Variants in THSD7B observed in about 807,000 individuals in gnomAD.
THSD7B encodes the protein thrombospondin type 1 domain containing 7B.
THSD7B carries 138 observed loss-of-function variants against 213.6 expected under a neutral mutation model. That is an observed-to-expected ratio of 0.65 (90% CI 0.56 to 0.74). THSD7B has a LOEUF of 0.74. Ranked by LOEUF, THSD7B falls within the 30% of genes least tolerant of loss-of-function variation. THSD7B has a pLI of 0.00. For synonymous variants in THSD7B, 742 were observed against 687.0 expected, an observed-to-expected ratio of 1.08 and a Z score of -1.25; for missense variants, 1,931 against 1,991.5, an observed-to-expected ratio of 0.97 and a Z score of 0.58.
At chr2:137,598,829 T>C (rs1682016380) in intron 17 of THSD7B, among the ~76,000 whole-genome samples, 1 of 152,030 alleles carries the variant, frequency 6.6e-6, no homozygotes, top group Non-Finnish European at 1.5e-5. Flanking sequence ...ATTTTTCTCT[T>C]GTTTTCTTTC....
chr2:136,832,807 A>G (rs1330441019), intron 1 of THSD7B, among the ~76,000 whole-genome samples: 3 of 152,222 alleles, frequency 2.0e-5, no homozygotes, highest in African/African-American at 4.8e-5. Flanking sequence ...ATCTCAAAGT[A>G]ACTTGCCTGA....
At chr2:137,575,742 A>ATATATATT (rs1235744133) in intron 17 of THSD7B, among the ~76,000 whole-genome samples, 4 of 147,416 alleles carry the variant, frequency 2.7e-5, no homozygotes, top group East Asian at 2.0e-4. Flanking sequence ...ATATATATAT[A>ATATATATT]TTTTTACTTT....
At chr2:137,092,247 T>A (rs1687961933) in intron 3 of THSD7B, among the ~76,000 whole-genome samples, 1 of 152,032 alleles carries the variant, frequency 6.6e-6, no homozygotes. Flanking sequence ...ACCCTGTCTC[T>A]ACAAAATATA....
intron 12 of THSD7B, among the ~76,000 whole-genome samples, chr2:137,301,034 TA>T (rs1438912998): frequency 6.6e-6 from 1 of 152,148 alleles, no homozygotes; most frequent in Non-Finnish European, 1.5e-5. Flanking sequence ...CAAAAGGAAT[TA>T]AAATCCTTTT....
chr2:137,251,190 T>C (rs930457195), intron 10 of THSD7B, among the ~76,000 whole-genome samples: 9 of 152,326 alleles, frequency 5.9e-5, no homozygotes, highest in African/African-American at 2.2e-4. Context: ...TTAGTCTTCC[T>C]TCACAGCTCA....
chr2:136,821,304 G>A (rs1682560287), intron 1 of THSD7B, among the ~76,000 whole-genome samples: 1 of 152,138 alleles, frequency 6.6e-6, no homozygotes, highest in Non-Finnish European at 1.5e-5. Flanking sequence ...TTGCCAATTA[G>A]TGGCTTCTCA....
chr2:137,252,596 C>T (rs1682211026), intron 10 of THSD7B, among the ~76,000 whole-genome samples: 1 of 152,138 alleles, frequency 6.6e-6, no homozygotes, highest in East Asian at 1.9e-4. Context: ...TGTGCCTGGC[C>T]CTGGTTTGTA....
rs142137928 is a variant in THSD7B, at chr2:137,146,026, T to G, written c.1370-14187T>G. On this transcript the variant is annotated intron_variant, in intron 5 of 27. Coordinates refer to ENST00000409968, the MANE Select transcript of THSD7B (RefSeq NM_001316349.2). ...ATAACCCATTTTCTCTGATGATATA[T>G]GTATATGTGAAAAATTTAGGCATAT... Among the ~76,000 whole-genome samples the G allele has an allele frequency of 1.3e-3, 205 of 152,250 alleles. 2 individuals are homozygous for G. Among genetic ancestry groups the G allele is most frequent in the African/African-American group, 4.5e-3 (189 of 41,562 alleles).
At chr2:137,302,455 T>C (rs1466409349) in intron 12 of THSD7B, among the ~76,000 whole-genome samples, 1 of 152,094 alleles carries the variant, frequency 6.6e-6, no homozygotes, top group Non-Finnish European at 1.5e-5. Flanking sequence ...GTCCATAAGA[T>C]GTAACAATGT....
At chr2:137,665,997 G>A (rs1027492250) in intron 26 of THSD7B, among the ~76,000 whole-genome samples, 2 of 152,134 alleles carry the variant, frequency 1.3e-5, no homozygotes, top group African/African-American at 4.8e-5. Flanking sequence ...AAAGATTCAC[G>A]AGGAAACTGG....
rs1468072549 is a variant in THSD7B at position 137,655,666 on chromosome 2, C to A, written c.4105+6C>A. The A allele has an allele frequency of 2.5e-6, 4 of 1,611,112 alleles. No individual in the cohort carries two copies. Among genetic ancestry groups the A allele is most frequent in the Non-Finnish European group, 3.4e-6 (4 of 1,178,464 alleles). ...GTGTTCTGTGCCTTGCCCAGGTATG[C>A]AATGCTAGTGATTGGGAGCGCCTCC... On this transcript the variant is annotated splice_donor_region_variant and intron_variant, in intron 22 of 27. Coordinates refer to ENST00000409968, the MANE Select transcript of THSD7B (RefSeq NM_001316349.2).
In THSD7B at chr2:137,115,065, T is replaced by G. The variant is rs1688420266; in HGVS notation, c.1200-59T>G. 49 of 1,599,738 alleles carry G rather than the reference T, an allele frequency of 3.1e-5. 2 individuals carry two copies. The South Asian group carries it at 5.5e-4, about 18-fold the overall frequency. On this transcript the variant is annotated intron_variant, in intron 4 of 27. Coordinates refer to ENST00000409968, the MANE Select transcript of THSD7B (RefSeq NM_001316349.2). ...CTTGATGTCATGACTTAAGTTTTCC[T>G]CAGAGTTGTATATTTTTCTTACTTC...
At position 137,405,803 on chromosome 2, in the gene THSD7B, C is replaced by T. The variant is rs748375953; in HGVS notation, c.2691C>T (p.Leu897=). 12 of 1,609,902 alleles carry T rather than the reference C, an allele frequency of 7.5e-6. No homozygotes were observed. Among genetic ancestry groups the T allele is most frequent in the South Asian group, 1.1e-5 (1 of 90,392 alleles). ...CCACAAAAAGTAGGCGGCGACAGCT[C>T]ACAGGTATAGTGTGCATTTTACTCT... ...CEATKSRRRQ[L]TGKSRKKEKC... The change falls in exon 13 of 28, where the codon CTC becomes CTT. Residue 897 remains leucine, a synonymous_variant. Coordinates refer to ENST00000409968, the MANE Select transcript of THSD7B (RefSeq NM_001316349.2).
chr2:137,002,692 A>G (rs561799736), intron 2 of THSD7B, among the ~76,000 whole-genome samples: 7 of 152,168 alleles, frequency 4.6e-5, no homozygotes, highest in African/African-American at 1.7e-4. Context: ...GTATCACTCT[A>G]GCATTTGAAT....
At chr2:137,194,292 A>G (rs4538259) in intron 7 of THSD7B, among the ~76,000 whole-genome samples, 145,352 of 152,280 alleles carry the variant, frequency 0.95, 69,448 homozygotes, top group East Asian at 1. Context: ...AAAGGGCAGG[A>G]GAACTTAGCA....
chr2:137,110,578 G>T (rs926890920), intron 4 of THSD7B, among the ~76,000 whole-genome samples: 1 of 152,150 alleles, frequency 6.6e-6, no homozygotes, highest in Non-Finnish European at 1.5e-5. Flanking sequence ...TGGAGGGCAG[G>T]TTTCTCTAAC....
intron 20 of THSD7B, among the ~76,000 whole-genome samples, chr2:137,626,320 C>T (rs1682628182): frequency 6.6e-6 from 1 of 152,194 alleles, no homozygotes; most frequent in Non-Finnish European, 1.5e-5. Flanking sequence ...AAAATTTAGC[C>T]AGGTGCCGTG....
intron 12 of THSD7B, among the ~76,000 whole-genome samples, chr2:137,328,614 A>G (rs916511560): frequency 6.6e-6 from 1 of 152,178 alleles, no homozygotes; most frequent in African/African-American, 2.4e-5. Flanking sequence ...GGTTTTACAA[A>G]AGTGAACCAT....
intron 2 of THSD7B, among the ~76,000 whole-genome samples, chr2:137,027,148 A>G (rs528492031): frequency 1.3e-5 from 2 of 152,290 alleles, no homozygotes; most frequent in East Asian, 1.9e-4. Context: ...GGTTACATTA[A>G]TGGTGGCACC....
Sources: gnomAD v4.1 joint callset for allele counts (sites outside exome capture counted in the v4.1 genomes callset) on GRCh38, gnomAD v4.1.1 for gene constraint, MANE v1.5 for transcripts, NCBI Gene and HGNC (gene_info 2026-07-23, HGNC 2026-07-21) for gene names.